PRKD1: variants seen among roughly 807,000 people sequenced by gnomAD.
PRKD1 encodes the protein protein kinase D1.
In PRKD1, 63 loss-of-function variants were observed where a neutral mutation model predicts 95.9. The ratio of observed to expected loss-of-function variants is 0.66; its 90% CI spans 0.54 to 0.81. The LOEUF (loss-of-function observed/expected upper bound fraction) is 0.81, where lower values mean the gene tolerates loss of function less well. Ranked by LOEUF, PRKD1 falls within the 30% of genes least tolerant of loss-of-function variation. The probability of loss-of-function intolerance (pLI) is 0.00; values close to 1 mark genes in which losing one functional copy is unlikely to be tolerated. For missense variants in PRKD1, 1,048 were observed against 1,165.3 expected, an observed-to-expected ratio of 0.90 and a Z score of 1.47; for synonymous variants, 425 against 423.1, an observed-to-expected ratio of 1.00 and a Z score of -0.05.
At chr14:29,782,525 A>C (rs1889092038) in intron 1 of PRKD1, among the ~76,000 whole-genome samples, 1 of 151,832 alleles carries the variant, frequency 6.6e-6, no homozygotes, top group Non-Finnish European at 1.5e-5. Context: ...AAAATATTTC[A>C]ATTGCTTTTG....
rs141115782 is a variant in PRKD1, at chr14:29,679,628, C to T, written c.404-13420G>A. Among the ~76,000 whole-genome samples, 12 of 151,468 alleles carry T rather than the reference C, an allele frequency of 7.9e-5. No homozygotes were observed. The East Asian group carries it at 1.7e-3, about 22-fold the overall frequency. ...AACTATAACACAATATAAGTGAACA[C>T]GGATTTGGAGACTGTCAACATCAGG... On this transcript the variant is annotated intron_variant, in intron 2 of 17. Coordinates refer to ENST00000331968, the MANE Select transcript of PRKD1 (RefSeq NM_002742.3).
At chr14:29,618,048 C>G (rs1481764401) in intron 13 of PRKD1, among the ~76,000 whole-genome samples, 2 of 152,056 alleles carry the variant, frequency 1.3e-5, no homozygotes, top group African/African-American at 4.8e-5. Context: ...AATGAGGTAA[C>G]AGAGTAAGAC....
intron 13 of PRKD1, among the ~76,000 whole-genome samples, chr14:29,623,131 C>T (rs921850707): frequency 1.3e-5 from 2 of 152,132 alleles, no homozygotes; most frequent in Admixed American, 1.3e-4. Context: ...TTGTTTTCTT[C>T]CCCATGTAAG....
At chr14:29,588,428 C>T (rs897130456) in intron 16 of PRKD1, among the ~76,000 whole-genome samples, 10 of 152,050 alleles carry the variant, frequency 6.6e-5, no homozygotes, top group African/African-American at 2.2e-4. Flanking sequence ...ACACTTGTGA[C>T]CAATTTAATT....
intron 1 of PRKD1, among the ~76,000 whole-genome samples, chr14:29,731,261 C>T (rs66536591): frequency 0.04 from 6,130 of 152,128 alleles, 217 homozygotes; most frequent in African/African-American, 0.087. Flanking sequence ...TTCCAGATAA[C>T]TTTATGTTCT....
chr14:29,829,697 T>TA (rs1891330288), intron 1 of PRKD1, among the ~76,000 whole-genome samples: 1 of 152,082 alleles, frequency 6.6e-6, no homozygotes, highest in East Asian at 1.9e-4. Flanking sequence ...TAGAAAAAAA[T>TA]AGAATCTTGT....
intron 8 of PRKD1, among the ~76,000 whole-genome samples, chr14:29,633,850 T>G (rs369728654): frequency 6.6e-6 from 1 of 152,188 alleles, no homozygotes; most frequent in Non-Finnish European, 1.5e-5. Flanking sequence ...AGGTAAGAGA[T>G]GAGAAAAGCA....
chr14:29,917,729 A>G (rs1378997604), intron 1 of PRKD1, among the ~76,000 whole-genome samples: 1 of 152,112 alleles, frequency 6.6e-6, no homozygotes, highest in Non-Finnish European at 1.5e-5. Context: ...GTATACTGAA[A>G]CAAGCTTCAA....
At chr14:29,806,164 T>C (rs1324513886) in intron 1 of PRKD1, among the ~76,000 whole-genome samples, 1 of 152,168 alleles carries the variant, frequency 6.6e-6, no homozygotes, top group Admixed American at 6.5e-5. Flanking sequence ...ACTGAAAAGA[T>C]CTCAATAACA....
chr14:29,868,736 A>T (rs1225541627), intron 1 of PRKD1, among the ~76,000 whole-genome samples: 2 of 152,198 alleles, frequency 1.3e-5, no homozygotes, highest in African/African-American at 4.8e-5. Flanking sequence ...TTGATAGATT[A>T]TTAGCATATA....
At chr14:29,768,398 T>C (rs924242760) in intron 1 of PRKD1, among the ~76,000 whole-genome samples, 1 of 152,252 alleles carries the variant, frequency 6.6e-6, no homozygotes, top group Non-Finnish European at 1.5e-5. Flanking sequence ...ACTGGTACTT[T>C]GGTAACTGCT....
At chr14:29,870,432 G>A (rs934450196) in intron 1 of PRKD1, among the ~76,000 whole-genome samples, 1 of 152,124 alleles carries the variant, frequency 6.6e-6, no homozygotes, top group Non-Finnish European at 1.5e-5. Flanking sequence ...GCCTTGATAA[G>A]CATGGTAATT....
At chr14:29,578,833 A>G (rs989718344) in intron 16 of PRKD1, among the ~76,000 whole-genome samples, 28 of 152,182 alleles carry the variant, frequency 1.8e-4, no homozygotes, top group Admixed American at 1.8e-3. Context: ...TCTGAACATC[A>G]TATTTGTATG....
rs1594331802 is a variant in PRKD1 at position 29,577,159 on chromosome 14, T to G, written c.*79A>C. On this transcript the variant is annotated 3_prime_UTR_variant, in exon 18 of 18. Coordinates refer to ENST00000331968, the MANE Select transcript of PRKD1 (RefSeq NM_002742.3). ...CTCATCTGACAGAAAATAATGGCAG[T>G]TCTGCAAGGCAAATGTTAAACCTGA... The G allele has an allele frequency of 4.2e-6, 6 of 1,425,046 alleles. No homozygotes were observed. 88.3% of individuals were successfully genotyped at this position (1,425,046 alleles called of 1,614,324 possible). A position where few individuals can be genotyped will look rare whatever the true frequency, so the allele number is the denominator to read the frequency against.
At chr14:29,625,061 A>C (rs1246130924) in intron 12 of PRKD1, among the ~76,000 whole-genome samples, 3 of 152,200 alleles carry the variant, frequency 2.0e-5, no homozygotes, top group Non-Finnish European at 4.4e-5. Context: ...GGTAACATAC[A>C]AACTAACTTG....
intron 2 of PRKD1, among the ~76,000 whole-genome samples, chr14:29,706,239 T>C (rs1885083644): frequency 6.6e-6 from 1 of 152,152 alleles, no homozygotes; most frequent in Non-Finnish European, 1.5e-5. Flanking sequence ...CATATGTGTA[T>C]CTTCTTTGGA....
At chr14:29,755,980 C>T (rs1288753848) in intron 1 of PRKD1, among the ~76,000 whole-genome samples, 1 of 152,008 alleles carries the variant, frequency 6.6e-6, no homozygotes, top group Admixed American at 6.6e-5. Flanking sequence ...ACTTAATTCC[C>T]ATAGCTACTC....
At chr14:29,872,553 GAGAC>G (rs1443545407) in intron 1 of PRKD1, among the ~76,000 whole-genome samples, 1 of 151,652 alleles carries the variant, frequency 6.6e-6, no homozygotes, top group Non-Finnish European at 1.5e-5. Flanking sequence ...TCGGGAGGCT[GAGAC>G]AGACAGGAGA....
chr14:29,851,019 A>G (rs577631403), intron 1 of PRKD1, among the ~76,000 whole-genome samples: 2 of 152,192 alleles, frequency 1.3e-5, no homozygotes, highest in Non-Finnish European at 2.9e-5. Flanking sequence ...TATTCAATAA[A>G]TGGTGGTGGC....
Sources: gnomAD v4.1 joint callset for allele counts (sites outside exome capture counted in the v4.1 genomes callset) on GRCh38, gnomAD v4.1.1 for gene constraint, MANE v1.5 for transcripts, NCBI Gene and HGNC (gene_info 2026-07-23, HGNC 2026-07-21) for gene names.